Variants in FAF1 observed in about 807,000 individuals in gnomAD.
FAF1 encodes Fas associated factor 1, also known as FAS-associated factor 1.
In FAF1, 25 loss-of-function variants were observed where a neutral mutation model predicts 92.5. That is an observed-to-expected ratio of 0.27 (90% confidence interval 0.20 to 0.38). The LOEUF (loss-of-function observed/expected upper bound fraction) is 0.38, where lower values mean the gene tolerates loss of function less well. Ranked by LOEUF, FAF1 falls within the 10% of genes least tolerant of loss-of-function variation. FAF1 has a pLI of 1.00. For missense variants in FAF1, 636 were observed against 793.3 expected (o/e 0.80, Z 2.38); for synonymous variants, 234 against 273.2 (o/e 0.86, Z 1.42).
At chr1:50,482,001 T>TACC (rs1646709721) in intron 17 of FAF1, among the ~76,000 whole-genome samples, 1 of 152,182 alleles carries the variant, frequency 6.6e-6, no homozygotes, top group Non-Finnish European at 1.5e-5. Flanking sequence ...TTTTCCTATT[T>TACC]TAAAATTAAG....
At chr1:50,744,249 T>G (rs1463964836) in intron 5 of FAF1, among the ~76,000 whole-genome samples, 1 of 152,200 alleles carries the variant, frequency 6.6e-6, no homozygotes, top group Non-Finnish European at 1.5e-5. Flanking sequence ...TTCTCCAAGT[T>G]TAAAAAATTT....
At chr1:50,887,370 CTTTAG>C (rs1438978092) in intron 1 of FAF1, among the ~76,000 whole-genome samples, 2 of 152,150 alleles carry the variant, frequency 1.3e-5, no homozygotes, top group Non-Finnish European at 2.9e-5. Flanking sequence ...TGCAGAAGCT[CTTTAG>C]TTTAATTAGA....
intron 15 of FAF1, among the ~76,000 whole-genome samples, chr1:50,508,820 GCTCCTGAGTAGCAGGGATTA>G (rs1227763116): frequency 6.6e-6 from 1 of 152,152 alleles, no homozygotes; most frequent in Non-Finnish European, 1.5e-5. Context: ...TCTTGCCTCA[GCTCCTGAGTAGCAGGGATTA>G]TAGGCATGAG....
chr1:50,561,976 C>T (rs1434058360), intron 13 of FAF1, among the ~76,000 whole-genome samples: 1 of 152,114 alleles, frequency 6.6e-6, no homozygotes, highest in Non-Finnish European at 1.5e-5. Flanking sequence ...AATGACCATA[C>T]AATGTAATGA....
At chr1:50,582,497 G>A (rs943910711) in intron 12 of FAF1, 121 bp downstream of exon 12, 4 of 659,560 alleles carry the variant, frequency 6.1e-6, no homozygotes, top group Non-Finnish European at 1.1e-5. Flanking sequence ...AATTCGTGAA[G>A]AGTTCCATGT....
intron 6 of FAF1, among the ~76,000 whole-genome samples, chr1:50,716,242 C>T (rs1238844482): frequency 1.3e-5 from 2 of 152,188 alleles, no homozygotes; most frequent in Non-Finnish European, 2.9e-5. Flanking sequence ...CAATAATAAT[C>T]ACAGTAATTT....
intron 12 of FAF1, among the ~76,000 whole-genome samples, chr1:50,576,007 AACT>A (rs1346593919): frequency 6.6e-6 from 1 of 152,254 alleles, no homozygotes; most frequent in Non-Finnish European, 1.5e-5. Flanking sequence ...GTTAAACGTG[AACT>A]ACTAATTTTT....
At chr1:50,582,591 AAT>A (rs1222955221) in intron 12 of FAF1, 25 bp downstream of exon 12, 1 of 1,488,884 alleles carries the variant, frequency 6.7e-7, no homozygotes. Flanking sequence ...TGCACTTTTT[AAT>A]CAGAAAAGGT....
intron 4 of FAF1, among the ~76,000 whole-genome samples, chr1:50,785,837 C>T (rs1229358673): frequency 1.3e-5 from 2 of 152,080 alleles, no homozygotes; most frequent in Non-Finnish European, 2.9e-5. Flanking sequence ...GAAATATCCA[C>T]ACTCCCATGG....
chr1:50,937,590 C>G (rs1258361349), intron 1 of FAF1, among the ~76,000 whole-genome samples: 1 of 152,056 alleles, frequency 6.6e-6, no homozygotes, highest in African/African-American at 2.4e-5. Flanking sequence ...CCATATGATT[C>G]TCATGGTTTT....
At chr1:50,661,542 T>C (rs1655375496) in intron 7 of FAF1, among the ~76,000 whole-genome samples, 1 of 152,192 alleles carries the variant, frequency 6.6e-6, no homozygotes, top group African/African-American at 2.4e-5. Flanking sequence ...TCTTTTATCA[T>C]TCTTAGAAGA....
At chr1:50,858,616 G>A (rs1407329843) in intron 1 of FAF1, among the ~76,000 whole-genome samples, 1 of 151,706 alleles carries the variant, frequency 6.6e-6, no homozygotes, top group African/African-American at 2.4e-5. Flanking sequence ...CTGAATACAT[G>A]TTGAAATGGA....
intron 4 of FAF1, among the ~76,000 whole-genome samples, chr1:50,774,668 A>C (rs1054584898): frequency 2.0e-5 from 3 of 152,130 alleles, no homozygotes; most frequent in African/African-American, 7.2e-5. Flanking sequence ...GGCTCCAGTA[A>C]ATTAGGTTTG....
intron 15 of FAF1, among the ~76,000 whole-genome samples, chr1:50,529,801 T>A (rs1648044367): frequency 6.6e-6 from 1 of 152,172 alleles, no homozygotes; most frequent in Admixed American, 6.6e-5. Flanking sequence ...TTTATCTTGC[T>A]CACAGCTGTG....
intron 7 of FAF1, among the ~76,000 whole-genome samples, chr1:50,665,510 G>A (rs1475925608): frequency 6.6e-6 from 1 of 152,200 alleles, no homozygotes; most frequent in African/African-American, 2.4e-5. Context: ...TTATTAAAGT[G>A]ATGAACCAGC....
chr1:50,484,638 C>T (rs548047541), intron 17 of FAF1, among the ~76,000 whole-genome samples: 1 of 152,082 alleles, frequency 6.6e-6, no homozygotes, highest in African/African-American at 2.4e-5. Context: ...AATTATGGCC[C>T]AGTGTGGACA....
At chr1:50,901,121 A>G (rs2124709696) in intron 1 of FAF1, among the ~76,000 whole-genome samples, 1 of 152,276 alleles carries the variant, frequency 6.6e-6, no homozygotes, top group South Asian at 2.1e-4. Context: ...TCTGTATGAA[A>G]ATAATCTGAA....
intron 18 of FAF1, among the ~76,000 whole-genome samples, chr1:50,441,968 C>T (rs555914188): frequency 7.2e-5 from 11 of 151,790 alleles, no homozygotes; most frequent in South Asian, 4.2e-4. Context: ...GGCCATTCCA[C>T]CATGCCCAAC....
chr1:50,879,202 G>A (rs933353433), intron 1 of FAF1, among the ~76,000 whole-genome samples: 8 of 152,098 alleles, frequency 5.3e-5, no homozygotes, highest in Non-Finnish European at 1.0e-4. Context: ...ACAAGATTGC[G>A]CCACTGCACT....
Sources: gnomAD v4.1 joint callset for allele counts (sites outside exome capture counted in the v4.1 genomes callset) on GRCh38, gnomAD v4.1.1 for gene constraint, MANE v1.5 for transcripts, NCBI Gene and HGNC (gene_info 2026-07-23, HGNC 2026-07-21) for gene names.